BCCIP: variants seen among roughly 807,000 people sequenced by gnomAD.
BCCIP encodes BRCA2 and CDKN1A-interacting protein.
BCCIP carries 23 observed loss-of-function variants against 32.8 expected under a neutral mutation model. The ratio of observed to expected loss-of-function variants is 0.70; its 90% CI spans 0.51 to 0.99. BCCIP has a LOEUF of 0.99. Among genes scored for constraint, BCCIP ranks in the 50% least tolerant of loss-of-function variants. BCCIP has a pLI of 0.00. For missense variants in BCCIP, 378 were observed against 379.8 expected (o/e 1.00, Z 0.04); for synonymous variants, 144 against 137.6 (o/e 1.05, Z -0.33).
At position 125,829,754 on chromosome 10, in the gene BCCIP, G is replaced by A. The variant is rs964409514; in HGVS notation, c.322-808G>A. Among the ~76,000 whole-genome samples, 11 of 152,182 alleles carry A rather than the reference G, an allele frequency of 7.2e-5. 1 individual carries two copies. The highest frequency in any genetic ancestry group is 4.1e-4 in the South Asian group (2 of 4,832). On this transcript the variant is annotated intron_variant, in intron 3 of 6. Coordinates refer to ENST00000278100, the MANE Select transcript of BCCIP (RefSeq NM_078468.3). ...AATAAATGTGATCTCTAGCTGATTC[G>A]TGTCTTAGAAGACCTAATGGATATG...
Position 125,849,263 on chromosome 10 carries a change from G to A in BCCIP, c.851-3862G>A, listed in dbSNP as rs185388897. Among the ~76,000 whole-genome samples, 20 of 152,292 alleles carry A rather than the reference G, an allele frequency of 1.3e-4. No homozygotes were observed. The East Asian group carries it at 3.1e-3, about 24-fold the overall frequency. The stretch of plus-strand genomic sequence containing the variant: ...CATCTTTCCGCCTGCACTGTTGCAC[G>A]CAAAAACATATCAACTTAAATGATA... On this transcript the variant is annotated intron_variant, in intron 7 of 7. Coordinates refer to the BCCIP transcript ENST00000368759.
At chr10:125,830,478 A>G (rs922596780) in intron 3 of BCCIP, 84 bp from the exon 4 acceptor site, 9 of 800,048 alleles carry the variant, frequency 1.1e-5, no homozygotes, top group African/African-American at 1.8e-5. Flanking sequence ...GAAAAGATAA[A>G]TGAGGCCTAC....
intron 5 of BCCIP, 85 bp downstream of exon 5, chr10:125,831,692 T>TA: frequency 7.5e-7 from 1 of 1,336,380 alleles, no homozygotes; most frequent in Non-Finnish European, 1.0e-6. Context: ...AATATGTAGA[T>TA]ATAGAAAGAG....
intron 7 of BCCIP, among the ~76,000 whole-genome samples, chr10:125,849,895 G>A (rs1270375561): frequency 6.6e-6 from 1 of 152,064 alleles, no homozygotes; most frequent in Admixed American, 6.6e-5. Context: ...ATTCCAGAAG[G>A]TCTTGATGAA....
chr10:125,842,111 C>A (rs1564823103), exon 7 of BCCIP: 2 of 817,450 alleles, frequency 2.4e-6, no homozygotes, highest in Non-Finnish European at 3.5e-6. Flanking sequence ...AGAGGGCAAA[C>A]TCAGGAGGGG....
In BCCIP at chr10:125,836,130, A is replaced by G; in HGVS notation, c.801A>G (p.Ser267=). ...AGGCAATTCTCAAGTTCAACTACTC[A>G]GTGCAGGAGGAGAGCGACACTTGTC... ...YEKAILKFNY[S]VQEESDTCLG... The change falls in exon 7 of 7, where the codon TCA becomes TCG. Residue 267 remains serine (S), a synonymous_variant. Coordinates refer to ENST00000278100, the MANE Select transcript of BCCIP (RefSeq NM_078468.3). The G allele has an allele frequency of 6.2e-7, 1 of 1,613,708 alleles. No homozygotes were observed. Among genetic ancestry groups the G allele is most frequent in the Non-Finnish European group, 8.5e-7 (1 of 1,179,728 alleles).
chr10:125,833,975 T>G (rs755787074), intron 6 of BCCIP, 29 bp downstream of exon 6: 2 of 1,601,620 alleles, frequency 1.2e-6, no homozygotes, highest in Non-Finnish European at 1.7e-6. Context: ...TTTGTTTAGA[T>G]GTAAATAAGG....
At chr10:125,840,245 T>C (rs1295883687), downstream of BCCIP, among the ~76,000 whole-genome samples, 1 of 152,222 alleles carries the variant, frequency 6.6e-6, no homozygotes, top group Non-Finnish European at 1.5e-5. Context: ...TCTGAGTACC[T>C]TCCTGTGACA....
chr10:125,843,606 C>T (rs947943459), downstream of BCCIP, among the ~76,000 whole-genome samples: 3 of 150,960 alleles, frequency 2.0e-5, no homozygotes, highest in Admixed American at 6.6e-5. Flanking sequence ...AGCGAGACTC[C>T]GTCTCAAAAA....
chr10:125,844,845 C>T (rs771423466), downstream of BCCIP, among the ~76,000 whole-genome samples: 13 of 152,194 alleles, frequency 8.5e-5, no homozygotes, highest in African/African-American at 1.4e-4. Flanking sequence ...TTATTAAGCT[C>T]GCTTGCCAGC....
downstream of BCCIP, among the ~76,000 whole-genome samples, chr10:125,844,033 C>T (rs991743105): frequency 6.6e-5 from 10 of 152,196 alleles, no homozygotes; most frequent in Admixed American, 2.0e-4. Flanking sequence ...TGCCTGGGTC[C>T]TGACATACAG....
intron 3 of BCCIP, among the ~76,000 whole-genome samples, chr10:125,830,030 C>A (rs1590052694): frequency 6.6e-6 from 1 of 152,114 alleles, no homozygotes; most frequent in Admixed American, 6.5e-5. Context: ...TTCCCCTTCT[C>A]TCTTGCTAAT....
downstream of BCCIP, chr10:125,840,695 TG>T: frequency 1.3e-6 from 1 of 750,024 alleles, no homozygotes; most frequent in South Asian, 2.9e-5. Context: ...ACTCTGCAGA[TG>T]CCTGTGGGTG....
downstream of BCCIP, among the ~76,000 whole-genome samples, chr10:125,838,668 G>A (rs1421510523): frequency 6.6e-6 from 1 of 152,070 alleles, no homozygotes; most frequent in Non-Finnish European, 1.5e-5. Flanking sequence ...AACTTAGCAC[G>A]CTACCCACCA....
At chr10:125,836,767 A>T, downstream of BCCIP, 1 of 1,614,142 alleles carries the variant, frequency 6.2e-7, no homozygotes, top group Non-Finnish European at 8.5e-7. Flanking sequence ...GACACAGGGG[A>T]TAGGTGATCC....
chr10:125,836,624 A>T, downstream of BCCIP: 2 of 1,574,624 alleles, frequency 1.3e-6, no homozygotes, highest in South Asian at 1.2e-5. Context: ...TATCTCCCAT[A>T]TCCAGCAGTT....
chr10:125,836,030 C>T, intron 6 of BCCIP, 74 bp from the exon 7 acceptor site: 7 of 1,330,014 alleles, frequency 5.3e-6, no homozygotes, highest in South Asian at 2.6e-5. Flanking sequence ...ACGTAATATT[C>T]TTTGCCGTAG....
At chr10:125,841,615 A>G in exon 7 of BCCIP, 4 of 1,462,556 alleles carry the variant, frequency 2.7e-6, no homozygotes, top group African/African-American at 2.9e-5. Flanking sequence ...TATCATTTCA[A>G]AAGGTTAAAT....
At chr10:125,841,481 A>C, downstream of BCCIP, 1 of 1,462,876 alleles carries the variant, frequency 6.8e-7, no homozygotes, top group Non-Finnish European at 9.0e-7. Context: ...TTATTTCAGC[A>C]AAAGAAATCT....
Sources: allele counts gnomAD v4.1 joint callset (sites outside exome capture counted in the v4.1 genomes callset), GRCh38; gene constraint gnomAD v4.1.1; transcripts MANE v1.5; gene names NCBI Gene and HGNC (gene_info 2026-07-23, HGNC 2026-07-21).